IMMP1L: variants seen among roughly 807,000 people sequenced by gnomAD.
IMMP1L encodes mitochondrial inner membrane protease subunit 1.
In IMMP1L, 24 loss-of-function variants were observed where a neutral mutation model predicts 21.8. The ratio of observed to expected loss-of-function variants is 1.10; its 90% CI spans 0.80 to 1.55. IMMP1L has a LOEUF of 1.55. IMMP1L is among the 40% of genes most tolerant of loss of function. The pLI, the probability that IMMP1L is intolerant of heterozygous loss-of-function variation, is 0.00. For missense variants in IMMP1L, 195 were observed against 200.7 expected (o/e 0.97, Z 0.17); for synonymous variants, 46 against 62.8 (o/e 0.73, Z 1.26).
chr11:31,488,673 C>A (rs1449886105), intron 1 of IMMP1L, among the ~76,000 whole-genome samples: 1 of 151,870 alleles, frequency 6.6e-6, no homozygotes, highest in Non-Finnish European at 1.5e-5. Context: ...AAGCAGAATA[C>A]AATACTAGTG....
intron 1 of IMMP1L, among the ~76,000 whole-genome samples, chr11:31,479,232 G>A (rs970604891): frequency 2.0e-5 from 3 of 151,952 alleles, no homozygotes; most frequent in Non-Finnish European, 4.4e-5. Context: ...TTGATTTGCC[G>A]ACAATTTTTG....
chr11:31,454,876 C>T lies in IMMP1L; in HGVS notation c.321+1384G>A, dbSNP rs184433551. Among the ~76,000 whole-genome samples the T allele has an allele frequency of 3.0e-3, 452 of 152,240 alleles. 2 individuals are homozygous for T. The highest frequency in any genetic ancestry group is 1.0e-2 in the African/African-American group (415 of 41,536). On this transcript the variant is annotated intron_variant, in intron 4 of 5. Coordinates refer to ENST00000532287, the MANE Select transcript of IMMP1L (RefSeq NM_001304274.2). ...TTGATATCATTTCTGCTTTCAAGTACACACATGATGCTAAAGTAATTTAGA... is the reference window on the plus strand; with the variant it reads ...TTGATATCATTTCTGCTTTCAAGTATACACATGATGCTAAAGTAATTTAGA...
At chr11:31,457,375 C>A (rs2133638903) in intron 3 of IMMP1L, among the ~76,000 whole-genome samples, 1 of 152,104 alleles carries the variant, frequency 6.6e-6, no homozygotes, top group East Asian at 1.9e-4. Context: ...GACTAATGAC[C>A]ACAGTCAAAC....
intron 4 of IMMP1L, 32 bp from the exon 5 acceptor site, chr11:31,433,602 A>T: frequency 7.4e-7 from 1 of 1,352,270 alleles, no homozygotes; most frequent in South Asian, 1.2e-5. Flanking sequence ...AGCCTCTTAA[A>T]GATAAAACCT....
intron 1 of IMMP1L, among the ~76,000 whole-genome samples, chr11:31,495,199 T>C (rs1955392943): frequency 6.6e-6 from 1 of 152,192 alleles, no homozygotes; most frequent in Admixed American, 6.5e-5. Context: ...AGCATTTTGG[T>C]CAAAGCCATT....
At chr11:31,439,194 T>A (rs570923183) in intron 4 of IMMP1L, among the ~76,000 whole-genome samples, 14 of 152,218 alleles carry the variant, frequency 9.2e-5, no homozygotes, top group African/African-American at 3.1e-4. Context: ...AATGTATAGA[T>A]CACCTTCTCT....
At chr11:31,461,446 T>C (rs1954135861) in intron 2 of IMMP1L, among the ~76,000 whole-genome samples, 3 of 152,198 alleles carry the variant, frequency 2.0e-5, no homozygotes, top group Admixed American at 2.0e-4. Context: ...CCTATTTGTA[T>C]GTCTCAAAAC....
chr11:31,437,028 A>G, intron 4 of IMMP1L: 1 of 301,020 alleles, frequency 3.3e-6, no homozygotes, highest in South Asian at 3.1e-5. Context: ...CACTGATGTT[A>G]CCTTTAATCT....
intron 4 of IMMP1L, among the ~76,000 whole-genome samples, chr11:31,455,146 AGATT>A (rs1358663086): frequency 6.6e-6 from 1 of 152,218 alleles, no homozygotes; most frequent in Non-Finnish European, 1.5e-5. Context: ...TAAATAAATA[AGATT>A]GATTATTTAA....
At position 31,466,507 on chromosome 11, in the gene IMMP1L, G is replaced by A. The variant is rs935960316; in HGVS notation, c.-29-3202C>T. On this transcript the variant is annotated intron_variant, in intron 1 of 5. Coordinates refer to ENST00000532287, the MANE Select transcript of IMMP1L (RefSeq NM_001304274.2). ...CAATAGCTAAGACACAGAATCAACC[G>A]AAATATCCATCAACAGATGAATGGA... is the stretch of plus-strand genomic sequence containing the variant. Among the ~76,000 whole-genome samples the A allele has an allele frequency of 7.2e-4, 110 of 151,988 alleles. 2 individuals carry two copies. The highest frequency in any genetic ancestry group is 1.9e-4 in the Non-Finnish European group (13 of 67,936).
intron 1 of IMMP1L, among the ~76,000 whole-genome samples, chr11:31,472,858 T>A (rs1368584554): frequency 4.6e-5 from 7 of 152,030 alleles, no homozygotes; most frequent in Non-Finnish European, 8.8e-5. Context: ...CTCTTTTATT[T>A]TTTATTTATT....
chr11:31,489,302 A>G (rs1955181387), intron 1 of IMMP1L, among the ~76,000 whole-genome samples: 1 of 152,228 alleles, frequency 6.6e-6, no homozygotes, highest in East Asian at 1.9e-4. Flanking sequence ...TTAAAACAAT[A>G]TATGCATATT....
At chr11:31,456,950 A>ACAAAAG (rs1953965684) in intron 3 of IMMP1L, among the ~76,000 whole-genome samples, 1 of 136,580 alleles carries the variant, frequency 7.3e-6, no homozygotes, top group African/African-American at 2.7e-5. Flanking sequence ...AAGTGAACCA[A>ACAAAAG]AAAAAGAAAA....
At chr11:31,471,238 A>AT (rs1190882402) in intron 1 of IMMP1L, among the ~76,000 whole-genome samples, 4 of 152,172 alleles carry the variant, frequency 2.6e-5, no homozygotes, top group Admixed American at 2.6e-4. Context: ...GTACACAATT[A>AT]TTAAGTGTTC....
At chr11:31,481,089 G>T (rs559398290) in intron 1 of IMMP1L, among the ~76,000 whole-genome samples, 8 of 152,168 alleles carry the variant, frequency 5.3e-5, no homozygotes, top group Middle Eastern at 3.4e-3. Context: ...CCTCCCAGAT[G>T]GGGGCTTGGA....
intron 1 of IMMP1L, among the ~76,000 whole-genome samples, chr11:31,501,046 CTCTG>C (rs1955602765): frequency 6.6e-6 from 1 of 152,132 alleles, no homozygotes; most frequent in African/African-American, 2.4e-5. Context: ...AATTCAGTTC[CTCTG>C]TCATATCAGT....
At chr11:31,498,048 T>A (rs1490440077) in intron 1 of IMMP1L, among the ~76,000 whole-genome samples, 1 of 152,198 alleles carries the variant, frequency 6.6e-6, no homozygotes, top group African/African-American at 2.4e-5. Context: ...TCGTCATGTA[T>A]GATGATAATC....
Position 31,463,190 on chromosome 11 carries a change from G to T in IMMP1L, c.87C>A (p.Tyr29Ter). ...AACTTACCATGACAACACCACCAAC[G>T]TATTCAAAAGCACAATGAGCTATAC... is the stretch of plus-strand genomic sequence containing the variant. ...YGCIAHCAFE[Y>*]VGGVVMCSGP... is the part of the protein sequence containing the mutation. Residue 29 changes from tyrosine (Y) to a stop codon, truncating the protein, a stop_gained, in exon 2 of 6, where the codon TAC (tyrosine) becomes TAA (stop). Coordinates refer to ENST00000532287, the MANE Select transcript of IMMP1L (RefSeq NM_001304274.2). LOFTEE classifies it high-confidence loss of function. 1.2e-6 allele frequency: 2 copies of T among 1,605,888 alleles called. No individual in the cohort carries two copies. The highest frequency in any genetic ancestry group is 1.7e-6 in the Non-Finnish European group (2 of 1,176,366).
Position 31,468,459 on chromosome 11 carries a change from T to C in IMMP1L, c.-29-5154A>G, listed in dbSNP as rs539779031. Among the ~76,000 whole-genome samples, 4 of 152,264 alleles carry C rather than the reference T, an allele frequency of 2.6e-5. No homozygotes were observed. In the South Asian group the frequency reaches 8.3e-4, roughly 32 times the overall value. On this transcript the variant is annotated intron_variant, in intron 1 of 5. Coordinates refer to ENST00000532287, the MANE Select transcript of IMMP1L (RefSeq NM_001304274.2). ...GAAGATAGAACGCTAATGTGGCAAA[T>C]GTTCATTGTTAAATCCAAGTGAAGT...
Sources: allele counts gnomAD v4.1 joint callset (sites outside exome capture counted in the v4.1 genomes callset), GRCh38; gene constraint gnomAD v4.1.1; transcripts MANE v1.5; gene names NCBI Gene and HGNC (gene_info 2026-07-23, HGNC 2026-07-21).